The following SLC16A10 variants were observed in gnomAD, a reference collection of about 807,000 sequenced individuals.
The protein encoded by SLC16A10 is monocarboxylate transporter 10.
SLC16A10 carries 27 observed loss-of-function variants against 40.0 expected under a neutral mutation model. The observed-to-expected ratio is 0.67, with a 90% CI of 0.50 to 0.93. SLC16A10 has a LOEUF of 0.93. Ranked by LOEUF, SLC16A10 falls within the 40% of genes least tolerant of loss-of-function variation. The probability of loss-of-function intolerance (pLI) is 0.00; values close to 1 mark genes in which losing one functional copy is unlikely to be tolerated. For synonymous variants in SLC16A10, 213 were observed against 249.8 expected, an observed-to-expected ratio of 0.85 and a Z score of 1.39; for missense variants, 529 against 658.2, an observed-to-expected ratio of 0.80 and a Z score of 2.15.
intron 2 of SLC16A10, among the ~76,000 whole-genome samples, chr6:111,173,284 A>G (rs1311484291): frequency 1.3e-5 from 2 of 152,196 alleles, no homozygotes; most frequent in African/African-American, 4.8e-5. Flanking sequence ...ATGAGACCAA[A>G]ACTTTGCCAT....
intron 1 of SLC16A10, among the ~76,000 whole-genome samples, chr6:111,121,598 A>G (rs1171691273): frequency 6.6e-6 from 1 of 152,178 alleles, no homozygotes; most frequent in Non-Finnish European, 1.5e-5. Context: ...TTTGAAAAAC[A>G]TAGTTTTTAG....
rs566127570 is a variant in SLC16A10, at chr6:111,229,347, G to C, written c.*7112G>C. Reference sequence around the variant, plus strand: ...GTTAACATATAAGACTTTAAATTACGAAACTCACAAGAAAATGATCACCAA... The same window carrying C: ...GTTAACATATAAGACTTTAAATTACCAAACTCACAAGAAAATGATCACCAA... On this transcript the variant is annotated 3_prime_UTR_variant, in exon 6 of 6. Coordinates refer to ENST00000368851, the MANE Select transcript of SLC16A10 (RefSeq NM_018593.5). 2.0e-5 allele frequency: 3 copies of C among 151,958 alleles called. No individual in the cohort carries two copies. Among genetic ancestry groups the C allele is most frequent in the Non-Finnish European group, 4.4e-5 (3 of 68,010 alleles). The allele number at this position is 151,958 out of a possible 1,614,324, so 9.4% of individuals were successfully genotyped here.
chr6:111,176,902 A>G (rs1168026338), intron 2 of SLC16A10, among the ~76,000 whole-genome samples: 1 of 152,078 alleles, frequency 6.6e-6, no homozygotes, highest in African/African-American at 2.4e-5. Context: ...AGCTGTGGAG[A>G]GCACAGTTCT....
chr6:111,110,626 C>T (rs1022854608), intron 1 of SLC16A10, among the ~76,000 whole-genome samples: 15 of 152,022 alleles, frequency 9.9e-5, no homozygotes, highest in African/African-American at 3.4e-4. Context: ...TGGGGTTGAG[C>T]AGCAGATTGG....
At chr6:111,186,004 A>G (rs1772890432) in intron 3 of SLC16A10, among the ~76,000 whole-genome samples, 2 of 151,906 alleles carry the variant, frequency 1.3e-5, no homozygotes, top group South Asian at 4.2e-4. Context: ...GACTCAAGCA[A>G]TCCTCCCACC....
rs374603126 is a variant in SLC16A10 at position 111,146,627 on chromosome 6, C to T, written c.344-26068C>T. On this transcript the variant is annotated intron_variant, in intron 1 of 5. Transcript: ENST00000368851. ...GGGGGGGCGCCTGTAGTCCCAGCTA[C>T]TCGGGAGGCTGAGGCAGGAGAATGT... Among the ~76,000 whole-genome samples the T allele has an allele frequency of 2.6e-5, 4 of 152,154 alleles. No homozygotes were observed. In the East Asian group the frequency reaches 7.7e-4, roughly 29 times the overall value.
At chr6:111,187,135 C>T (rs1772911687) in intron 3 of SLC16A10, among the ~76,000 whole-genome samples, 1 of 152,176 alleles carries the variant, frequency 6.6e-6, no homozygotes, top group African/African-American at 2.4e-5. Flanking sequence ...ACAAATACAA[C>T]ATTTATTTCC....
intron 1 of SLC16A10, among the ~76,000 whole-genome samples, chr6:111,104,926 T>A (rs1302272337): frequency 1.3e-5 from 2 of 152,182 alleles, no homozygotes; most frequent in African/African-American, 4.8e-5. Context: ...TAGAACTTCC[T>A]TAAAATGTCT....
chr6:111,146,744 A>G (rs188265044), intron 1 of SLC16A10, among the ~76,000 whole-genome samples: 1,662 of 152,298 alleles, frequency 0.011, 7 homozygotes, highest in African/African-American at 0.022. Flanking sequence ...CTCAAAAAAA[A>G]AAAAGATATA....
intron 4 of SLC16A10, among the ~76,000 whole-genome samples, chr6:111,216,828 A>C (rs1229396659): frequency 6.6e-6 from 1 of 152,198 alleles, no homozygotes; most frequent in South Asian, 2.1e-4. Context: ...GAACTAACCC[A>C]ATATGAAACA....
chr6:111,089,604 G>T (rs541912874), intron 1 of SLC16A10, among the ~76,000 whole-genome samples: 1 of 152,296 alleles, frequency 6.6e-6, no homozygotes, highest in South Asian at 2.1e-4. Context: ...TGTTAAAAAT[G>T]TAGTAACATA....
At chr6:111,206,067 C>G (rs1773247130) in intron 3 of SLC16A10, among the ~76,000 whole-genome samples, 1 of 151,758 alleles carries the variant, frequency 6.6e-6, no homozygotes, top group Non-Finnish European at 1.5e-5. Flanking sequence ...AAAATAAAAA[C>G]TCTTATAAAC....
chr6:111,104,523 A>G (rs1018994949), intron 1 of SLC16A10, among the ~76,000 whole-genome samples: 2 of 152,234 alleles, frequency 1.3e-5, no homozygotes, highest in Admixed American at 1.3e-4. Context: ...CCACAAAATC[A>G]TGTCGACAGC....
At chr6:111,104,013 C>T (rs1232537527) in intron 1 of SLC16A10, among the ~76,000 whole-genome samples, 1 of 152,132 alleles carries the variant, frequency 6.6e-6, no homozygotes, top group Non-Finnish European at 1.5e-5. Flanking sequence ...CTTCGTGGCC[C>T]AGGTTCTTTA....
At chr6:111,104,311 G>T (rs562168178) in intron 1 of SLC16A10, among the ~76,000 whole-genome samples, 3 of 152,142 alleles carry the variant, frequency 2.0e-5, no homozygotes. Context: ...ACCGAAAGCC[G>T]AGTGAGATTT....
chr6:111,169,341 A>G (rs775381872), intron 1 of SLC16A10, among the ~76,000 whole-genome samples: 16 of 152,240 alleles, frequency 1.1e-4, no homozygotes, highest in Non-Finnish European at 1.3e-4. Context: ...GAATTATCCA[A>G]GTCAATGGTG....
intron 1 of SLC16A10, among the ~76,000 whole-genome samples, chr6:111,118,072 G>A (rs12213293): frequency 0.012 from 1,787 of 152,214 alleles, 10 homozygotes; most frequent in Admixed American, 0.02. Flanking sequence ...TAAAAGATAC[G>A]AACAGGCAGT....
At chr6:111,149,779 A>G (rs1470790766) in intron 1 of SLC16A10, among the ~76,000 whole-genome samples, 1 of 152,134 alleles carries the variant, frequency 6.6e-6, no homozygotes, top group Non-Finnish European at 1.5e-5. Flanking sequence ...AGACTTCCTT[A>G]TGGAAGATAA....
intron 1 of SLC16A10, among the ~76,000 whole-genome samples, chr6:111,149,340 C>G (rs1415495834): frequency 1.3e-5 from 2 of 152,322 alleles, no homozygotes; most frequent in South Asian, 4.1e-4. Flanking sequence ...TAAGAATTCT[C>G]AAATCCTCAG....
Sources: allele counts gnomAD v4.1 joint callset (sites outside exome capture counted in the v4.1 genomes callset), GRCh38; gene constraint gnomAD v4.1.1; transcripts MANE v1.5; gene names NCBI Gene and HGNC (gene_info 2026-07-23, HGNC 2026-07-21).